The following NCAPG variants were observed in gnomAD, a reference collection of about 807,000 sequenced individuals.
NCAPG encodes non-SMC condensin I complex subunit G, also known as condensin complex subunit 3.
Under a neutral mutation model 113.1 loss-of-function variants are expected in NCAPG, and 69 were observed. The observed-to-expected ratio is 0.61, with a 90% confidence interval of 0.50 to 0.75. The LOEUF is 0.75. NCAPG is among the 30% of genes least tolerant of loss of function. The pLI, the probability that NCAPG is intolerant of heterozygous loss-of-function variation, is 0.00. For synonymous variants in NCAPG, 370 were observed against 415.8 expected (o/e 0.89, Z 1.34); for missense variants, 1,058 against 1,177.0 (o/e 0.90, Z 1.48).
chr4:17,837,915 C>A, intron 16 of NCAPG, 114 bp downstream of exon 16: 1 of 1,070,168 alleles, frequency 9.3e-7, no homozygotes. Context: ...CTGTCTCAAG[C>A]ATATACCACA....
chr4:17,829,072 T>C (rs891388564), intron 12 of NCAPG, among the ~76,000 whole-genome samples: 1 of 152,196 alleles, frequency 6.6e-6, no homozygotes, highest in Admixed American at 6.5e-5. Context: ...GTTGCAATGT[T>C]TTACATTCTG....
At chr4:17,831,158 A>G (rs1721857101) in intron 13 of NCAPG, 42 bp downstream of exon 13, 2 of 1,599,822 alleles carry the variant, frequency 1.3e-6, no homozygotes, top group Non-Finnish European at 1.7e-6. Flanking sequence ...TATTTCCTGA[A>G]ATACTCTGTG....
chr4:17,839,780 A>T lies in NCAPG; in HGVS notation c.2571A>T (p.Leu857Phe), dbSNP rs1160540250. The T allele has an allele frequency of 6.9e-6, 11 of 1,587,478 alleles. No homozygotes were observed. The highest frequency in any genetic ancestry group is 9.4e-6 in the Non-Finnish European group (11 of 1,173,936). ...TCTATACAAAAGCCTTGAGTTCTTT[A>T]GAACTCAGTAGCCATCTTGCAAAAG... ...IRVYTKALSS[L>F]ELSSHLAKDL... Residue 857 changes from leucine to phenylalanine, a missense_variant, in exon 17 of 21, where the codon TTA (leucine) becomes TTT (phenylalanine). Transcript: ENST00000251496.
At position 17,837,230 on chromosome 4, in the gene NCAPG, C is replaced by T. The variant is rs137963914; in HGVS notation, c.2181C>T (p.Ser727=). ...KLMFSGLLVS[S]RILSRLILLW... ...TGTTCTCTGGGCTTTTGGTCAGCAG[C>T]AGGATTCTTTCTCGTCTTATTTTGT... The change falls in exon 15 of 21, where the codon AGC becomes AGT. Residue 727 remains serine (S), a synonymous_variant. Coordinates refer to ENST00000251496, the MANE Select transcript of NCAPG (RefSeq NM_022346.5). 2.5e-3 allele frequency: 3,975 copies of T among 1,613,954 alleles called. 6 individuals are homozygous for T. Among genetic ancestry groups the T allele is most frequent in the Non-Finnish European group, 3.0e-3 (3,580 of 1,179,926 alleles).
At chr4:17,826,665 T>G (rs902609611) in intron 11 of NCAPG, among the ~76,000 whole-genome samples, 13 of 152,230 alleles carry the variant, frequency 8.5e-5, no homozygotes, top group African/African-American at 2.9e-4. Flanking sequence ...TGTGTCTATT[T>G]GTCCTGTTCG....
rs1456809755 is a variant in NCAPG at position 17,843,681 on chromosome 4, G to C, written c.*256G>C. On this transcript the variant is annotated 3_prime_UTR_variant, in exon 21 of 21. Transcript: ENST00000251496. ...GGCCTAGGAATCTCATTTTTAAATAGTCTCTCCAAGTGATTCTTATGAACT... is the reference window on the plus strand; with the variant it reads ...GGCCTAGGAATCTCATTTTTAAATACTCTCTCCAAGTGATTCTTATGAACT... 3.5e-6 allele frequency: 1 copy of C among 284,332 alleles called. No homozygotes were observed. Among genetic ancestry groups the C allele is most frequent in the African/African-American group, 2.1e-5 (1 of 46,682 alleles). 17.6% of individuals were successfully genotyped at this position (284,332 alleles called of 1,614,324 possible). A position where few individuals can be genotyped will look rare whatever the true frequency, so the allele number is the denominator to read the frequency against.
chr4:17,837,384 A>T (rs1201198699), intron 15 of NCAPG, 44 bp downstream of exon 15: 1 of 1,528,920 alleles, frequency 6.5e-7, no homozygotes, highest in South Asian at 1.2e-5. Flanking sequence ...CTTGACATCA[A>T]ATTCAAGTCC....
intron 7 of NCAPG, among the ~76,000 whole-genome samples, chr4:17,818,917 CCT>C (rs1254367165): frequency 1.3e-5 from 2 of 152,010 alleles, no homozygotes; most frequent in Admixed American, 6.6e-5. Flanking sequence ...TGTGGAATTC[CCT>C]CTTTTATTTC....
chr4:17,840,040 T>C (rs758293334), intron 17 of NCAPG, 31 bp from the exon 18 acceptor site: 1 of 1,582,268 alleles, frequency 6.3e-7, no homozygotes, highest in South Asian at 1.2e-5. Context: ...ATGCGGTGTT[T>C]ACAAAATGTT....
At chr4:17,825,220 CAG>C (rs148962869) in intron 10 of NCAPG, among the ~76,000 whole-genome samples, 160 bp from the exon 11 acceptor site, 1 of 152,174 alleles carries the variant, frequency 6.6e-6, no homozygotes, top group African/African-American at 2.4e-5. Flanking sequence ...ATGTCAGTCT[CAG>C]AGATATGCAG....
chr4:17,839,074 G>T (rs150741398), intron 16 of NCAPG, among the ~76,000 whole-genome samples: 121 of 152,318 alleles, frequency 7.9e-4, no homozygotes, highest in African/African-American at 2.8e-3. Flanking sequence ...CTCTAAGTAT[G>T]TGTAACAGCA....
In NCAPG at chr4:17,840,057, G is replaced by A; in HGVS notation, c.2629-14G>A. The stretch of plus-strand genomic sequence containing the variant: ...GCGGTGTTTACAAAATGTTAATAAT[G>A]TTTTCTTTTATAGCAAGTAAAAGAT... On this transcript the variant is annotated splice_polypyrimidine_tract_variant and intron_variant, in intron 17 of 20. Coordinates refer to ENST00000251496, the MANE Select transcript of NCAPG (RefSeq NM_022346.5). 6.3e-7 allele frequency: 1 copy of A among 1,590,022 alleles called. No homozygotes were observed. Among genetic ancestry groups the A allele is most frequent in the Non-Finnish European group, 8.5e-7 (1 of 1,171,530 alleles).
chr4:17,829,966 A>G (rs891775404), intron 12 of NCAPG, among the ~76,000 whole-genome samples: 1 of 152,204 alleles, frequency 6.6e-6, no homozygotes, highest in Non-Finnish European at 1.5e-5. Context: ...CTATTCATGG[A>G]AGGTGACCCT....
intron 7 of NCAPG, among the ~76,000 whole-genome samples, chr4:17,822,738 T>G (rs1721508030): frequency 6.6e-6 from 1 of 152,212 alleles, no homozygotes; most frequent in Non-Finnish European, 1.5e-5. Context: ...TTTGAAAATT[T>G]CCCATAGAAA....
rs773335393 is a variant in NCAPG, at chr4:17,828,294, T to C, written c.1670T>C (p.Leu557Ser). 1.3e-5 allele frequency: 21 copies of C among 1,608,738 alleles called. No individual in the cohort carries two copies. The South Asian group carries it at 2.1e-4, about 16-fold the overall frequency. ...TCATTTTAGAATGATGCTGAAACAT[T>C]GCAGAAATGTCTTATTTTATGCTAT... The part of the protein sequence containing the change: ...VHIEKNDAET[L>S]QKCLILCYEL... The change falls in exon 12 of 21, where the codon TTG (leucine) becomes TCG (serine). Residue 557 changes from leucine to serine, a missense_variant. Transcript: ENST00000251496.
chr4:17,833,485 T>TTTTGTTGTTG (rs1560230449), intron 13 of NCAPG, among the ~76,000 whole-genome samples: 1 of 148,406 alleles, frequency 6.7e-6, no homozygotes, highest in African/African-American at 2.5e-5. Context: ...TATATATATT[T>TTTTGTTGTTG]TTGTTGTTGT....
intron 12 of NCAPG, among the ~76,000 whole-genome samples, chr4:17,829,925 C>T (rs925398291): frequency 8.6e-5 from 13 of 152,028 alleles, no homozygotes; most frequent in Middle Eastern, 3.2e-3. Context: ...GCTATATGGC[C>T]GTATGTGAAC....
chr4:17,815,049 C>G, intron 4 of NCAPG, 51 bp downstream of exon 4: 1 of 1,595,700 alleles, frequency 6.3e-7, no homozygotes, highest in Non-Finnish European at 8.5e-7. Context: ...GACAAGGAGC[C>G]ATTTTCTTAA....
intron 10 of NCAPG, 141 bp from the exon 11 acceptor site, chr4:17,825,241 G>A: frequency 6.1e-6 from 5 of 825,908 alleles, no homozygotes; most frequent in Non-Finnish European, 7.5e-6. Flanking sequence ...AGATCTCTGT[G>A]TCAGGAAAAC....
Sources: gnomAD v4.1 joint callset for allele counts (sites outside exome capture counted in the v4.1 genomes callset) on GRCh38, gnomAD v4.1.1 for gene constraint, MANE v1.5 for transcripts, NCBI Gene and HGNC (gene_info 2026-07-23, HGNC 2026-07-21) for gene names.